The following MKS1 variants were observed in gnomAD, a reference collection of about 807,000 sequenced individuals.
The protein encoded by MKS1 is tectonic-like complex member MKS1.
In MKS1, 70 loss-of-function variants were observed where a neutral mutation model predicts 83.7. The observed-to-expected ratio is 0.84, with a 90% CI of 0.69 to 1.02. MKS1 has a LOEUF of 1.02. MKS1 is among the 50% of genes least tolerant of loss of function. The pLI is 0.00. For missense variants in MKS1, 681 were observed against 726.9 expected, an observed-to-expected ratio of 0.94 and a Z score of 0.73; for synonymous variants, 251 against 273.4, an observed-to-expected ratio of 0.92 and a Z score of 0.81.
intron 11 of MKS1, among the ~76,000 whole-genome samples, chr17:58,210,246 G>A (rs1365336175): frequency 6.6e-6 from 1 of 152,202 alleles, no homozygotes; most frequent in South Asian, 2.1e-4. Flanking sequence ...AGTCTGAGAC[G>A]TATTGATGGT....
At chr17:58,214,600 T>G (rs960730634) in intron 5 of MKS1, 141 bp downstream of exon 5, 1 of 1,040,990 alleles carries the variant, frequency 9.6e-7, no homozygotes, top group Non-Finnish European at 1.3e-6. Flanking sequence ...GGAAGATATT[T>G]TATATTTTTA....
At chr17:58,206,206 A>ATT in intron 17 of MKS1, 36 bp from the exon 18 acceptor site, 1 of 1,613,814 alleles carries the variant, frequency 6.2e-7, no homozygotes, top group Non-Finnish European at 8.5e-7. Context: ...TGGCTGCCAT[A>ATT]TGGTATTTCT....
chr17:58,218,569 G>A lies in MKS1; in HGVS notation c.190+51C>T, dbSNP rs765083316. ...TCTCACTACATTTGGCCACAATTCT[G>A]ATTAGTATCATAATTAGTATTAGAT... On this transcript the variant is annotated intron_variant, in intron 2 of 17. Coordinates refer to ENST00000393119, the MANE Select transcript of MKS1 (RefSeq NM_017777.4). 8.9e-5 allele frequency: 115 copies of A among 1,286,218 alleles called. 1 individual carries two copies. In the South Asian group the frequency reaches 1.2e-3, roughly 14 times the overall value. 79.7% of individuals were successfully genotyped at this position (1,286,218 alleles called of 1,614,324 possible). A position where few individuals can be genotyped will look rare whatever the true frequency, so the allele number is the denominator to read the frequency against.
chr17:58,218,584 T>C, intron 2 of MKS1, 36 bp downstream of exon 2: 1 of 1,434,858 alleles, frequency 7.0e-7, no homozygotes, highest in Non-Finnish European at 9.8e-7. Context: ...GTATCATAAT[T>C]AGTATTAGAT....
chr17:58,215,727 C>G (rs1969153518), intron 4 of MKS1: 1 of 312,072 alleles, frequency 3.2e-6, no homozygotes, highest in African/African-American at 2.1e-5. Flanking sequence ...TGGGCTGAAT[C>G]CCCTGATGAA....
intron 4 of MKS1, among the ~76,000 whole-genome samples, chr17:58,215,443 C>T (rs1273736059): frequency 6.6e-6 from 1 of 152,048 alleles, no homozygotes; most frequent in East Asian, 1.9e-4. Flanking sequence ...CAATCCACAG[C>T]TCTAATAATG....
chr17:58,205,710 T>C lies in MKS1; in HGVS notation c.*369A>G. On this transcript the variant is annotated 3_prime_UTR_variant, in exon 18 of 18. Transcript: ENST00000393119. The stretch of plus-strand genomic sequence containing the variant: ...TGGTCTTGGAAGATGAAAGGCTCCA[T>C]TTTTAAAGGGTGGAGAACAGCAGAT... 1.5e-6 allele frequency: 2 copies of C among 1,331,434 alleles called. No homozygotes were observed. Among genetic ancestry groups the C allele is most frequent in the Middle Eastern group, 4.1e-4 (2 of 4,870 alleles). 82.5% of individuals were successfully genotyped at this position (1,331,434 alleles called of 1,614,324 possible).
At chr17:58,214,658 TA>T in intron 5 of MKS1, 82 bp downstream of exon 5, 1 of 1,415,478 alleles carries the variant, frequency 7.1e-7, no homozygotes, top group Non-Finnish European at 9.6e-7. Context: ...ATACTATATA[TA>T]ACCACTGATA....
intron 14 of MKS1, chr17:58,207,617 A>C: frequency 1.8e-6 from 1 of 566,926 alleles, no homozygotes; most frequent in Non-Finnish European, 3.2e-6. Context: ...TTCAATACAC[A>C]TATGCTATGA....
At position 58,211,206 on chromosome 17, in the gene MKS1, C is replaced by A; in HGVS notation, c.916-184G>T. Reference sequence around the variant, plus strand: ...CTGTTTCCTTCATTCCTAAGATTCACAATGTAGGGGGAAAGTACATAATTT... The same window carrying A: ...CTGTTTCCTTCATTCCTAAGATTCAAAATGTAGGGGGAAAGTACATAATTT... On this transcript the variant is annotated intron_variant, in intron 9 of 17. Transcript: ENST00000393119. 6.4e-6 allele frequency: 4 copies of A among 625,726 alleles called. No homozygotes were observed. The South Asian group carries it at 7.3e-5, about 11-fold the overall frequency. 38.8% of individuals were successfully genotyped at this position (625,726 alleles called of 1,614,324 possible). A position where few individuals can be genotyped will look rare whatever the true frequency, so the allele number is the denominator to read the frequency against.
chr17:58,218,088 T>C (rs1969332622), intron 2 of MKS1, among the ~76,000 whole-genome samples: 1 of 152,218 alleles, frequency 6.6e-6, no homozygotes, highest in Non-Finnish European at 1.5e-5. Context: ...AGTCTCCAGT[T>C]TAAAAATTGT....
In MKS1 at chr17:58,216,662, T is replaced by C; in HGVS notation, c.261+4A>G. The C allele has an allele frequency of 1.2e-6, 2 of 1,614,114 alleles. No homozygotes were observed. Among genetic ancestry groups the C allele is most frequent in the African/African-American group, 2.7e-5 (2 of 75,062 alleles). On this transcript the variant is annotated splice_donor_region_variant and intron_variant, in intron 3 of 17. Coordinates refer to ENST00000393119, the MANE Select transcript of MKS1 (RefSeq NM_017777.4). The stretch of plus-strand genomic sequence containing the variant: ...GACAGAGAAGACAAGAGACACTGGC[T>C]CACCTGGCTAAAGAGCTTCTCCTGC...
chr17:58,210,883 A>G, intron 10 of MKS1, 97 bp downstream of exon 10: 1 of 1,497,156 alleles, frequency 6.7e-7, no homozygotes, highest in African/African-American at 1.4e-5. Context: ...TCCCAAGTAC[A>G]GCAGACAAGG....
At chr17:58,216,381 G>A in intron 3 of MKS1, 138 bp from the exon 4 acceptor site, 2 of 1,005,392 alleles carry the variant, frequency 2.0e-6, no homozygotes, top group East Asian at 5.1e-5. Flanking sequence ...CTAAACTAAT[G>A]AATGGCAGGG....
Position 58,207,144 on chromosome 17 carries a change from T to C in MKS1, c.1348A>G (p.Ile450Val). Residue 450 changes from isoleucine to valine, a missense_variant, in exon 15 of 18, where the codon ATT becomes GTT. This residue lies in a region of MKS1 where 310 missense variants were observed against 321.7 expected (regional missense o/e 0.96). Coordinates refer to ENST00000393119, the MANE Select transcript of MKS1 (RefSeq NM_017777.4). The stretch of plus-strand genomic sequence containing the variant: ...TCCTCCAGTTCCAGAGAACCGCCAA[T>C]GAAAAACCTCCTCAGCTCAGCCACC... Reference protein sequence around the residue: ...GTVAELRRFFIGGSLELEDLS... With the variant: ...GTVAELRRFFVGGSLELEDLS... 3 of 1,614,052 alleles carry C rather than the reference T, an allele frequency of 1.9e-6. No individual in the cohort carries two copies. Among genetic ancestry groups the C allele is most frequent in the Non-Finnish European group, 2.5e-6 (3 of 1,180,000 alleles).
chr17:58,208,321 A>T (rs1051927958), intron 12 of MKS1, 147 bp from the exon 13 acceptor site: 29 of 947,506 alleles, frequency 3.1e-5, no homozygotes, highest in Non-Finnish European at 4.3e-5. Flanking sequence ...AGGACACCCA[A>T]ATACAAGCTG....
At chr17:58,215,193 A>G (rs1249986878) in intron 4 of MKS1, among the ~76,000 whole-genome samples, 1 of 152,204 alleles carries the variant, frequency 6.6e-6, no homozygotes, top group Admixed American at 6.5e-5. Flanking sequence ...TTTTGTGGGA[A>G]ATCCTCACAT....
At chr17:58,214,019 G>T in intron 6 of MKS1, 150 bp from the exon 7 acceptor site, 1 of 953,440 alleles carries the variant, frequency 1.0e-6, no homozygotes, top group Non-Finnish European at 1.6e-6. Flanking sequence ...GAAAAAAAAG[G>T]AAGAAAAAGT....
Position 58,205,927 on chromosome 17 carries a change from T to A in MKS1, c.*152A>T, listed in dbSNP as rs780840500. On this transcript the variant is annotated 3_prime_UTR_variant, in exon 18 of 18. Coordinates refer to ENST00000393119, the MANE Select transcript of MKS1 (RefSeq NM_017777.4). ...GTAGGGAGAAGACCCTGCAGAAGGC[T>A]AGGCAGAGGGGCCAGCCGGGAATTT... The A allele has an allele frequency of 2.7e-6, 4 of 1,504,498 alleles. No individual in the cohort carries two copies. The East Asian group carries it at 7.4e-5, about 28-fold the overall frequency. 93.2% of individuals were successfully genotyped at this position (1,504,498 alleles called of 1,614,324 possible). A position where few individuals can be genotyped will look rare whatever the true frequency, so the allele number is the denominator to read the frequency against.
Sources: allele counts gnomAD v4.1 joint callset (sites outside exome capture counted in the v4.1 genomes callset), GRCh38; gene constraint gnomAD v4.1.1; regional missense constraint gnomAD v4.1.1; transcripts MANE v1.5; gene names NCBI Gene and HGNC (gene_info 2026-07-23, HGNC 2026-07-21).